The following HMCN2 variants were observed in gnomAD, a reference collection of about 807,000 sequenced individuals.
HMCN2 encodes the protein hemicentin-2.
HMCN2 carries 325 observed loss-of-function variants against 377.5 expected under a neutral mutation model. The observed-to-expected ratio is 0.86, with a 90% CI of 0.79 to 0.94. HMCN2 has a LOEUF of 0.94. Ranked by LOEUF, HMCN2 falls within the 40% of genes least tolerant of loss-of-function variation. The pLI is 0.00. For synonymous variants in HMCN2, 2,007 were observed against 2,046.8 expected, an observed-to-expected ratio of 0.98 and a Z score of 0.53; for missense variants, 4,543 against 4,725.3, an observed-to-expected ratio of 0.96 and a Z score of 1.13.
intron 40 of HMCN2, among the ~76,000 whole-genome samples, chr9:130,364,510 C>T (rs79669009): frequency 0.014 from 2,167 of 152,326 alleles, 51 homozygotes; most frequent in African/African-American, 0.048. Flanking sequence ...CAATTTCCCT[C>T]GGTGGAAACA....
chr9:130,391,677 C>T (rs7856210), intron 65 of HMCN2, 103 bp downstream of exon 65: 76,076 of 957,236 alleles, frequency 0.079, 3,554 homozygotes, highest in African/African-American at 0.19. Flanking sequence ...CCACGGGTCT[C>T]ACTTCCCTGG....
Position 130,357,945 on chromosome 9 carries a change from G to A in HMCN2, c.5537G>A (p.Trp1846Ter). 7.7e-7 allele frequency: 1 copy of A among 1,304,228 alleles called. No homozygotes were observed. Among genetic ancestry groups the A allele is most frequent in the South Asian group, 1.2e-5 (1 of 81,028 alleles). 80.8% of individuals were successfully genotyped at this position (1,304,228 alleles called of 1,614,324 possible). A position where few individuals can be genotyped will look rare whatever the true frequency, so the allele number is the denominator to read the frequency against. The change falls in exon 35 of 98, where the codon TGG (tryptophan) becomes TAG (stop). Residue 1846 changes from tryptophan (W) to a stop codon, truncating the protein, a stop_gained. Coordinates refer to ENST00000683500, the MANE Select transcript of HMCN2 (RefSeq NM_001291815.2). LOFTEE classifies it high-confidence loss of function. ...GTGCCCACCCCAAGCCTCCGTTGGT[G>A]GAAGGATGGTGTAGCCCTGGCAGCC... is the stretch of plus-strand genomic sequence containing the variant. ...DGVPTPSLRW[W>*]KDGVALAAFG...
At position 130,414,613 on chromosome 9, in the gene HMCN2, C is replaced by CTT. The variant is rs145783637; in HGVS notation, c.12961+3976_12961+3977dup. Among the ~76,000 whole-genome samples the CTT allele has an allele frequency of 2.1e-4, 30 of 140,784 alleles. No individual in the cohort carries two copies. Among genetic ancestry groups the CTT allele is most frequent in the Middle Eastern group, 3.5e-3 (1 of 282 alleles). The allele number at this position is 140,784 out of a possible 152,430, so 92.4% of individuals were successfully genotyped here. A position where few individuals can be genotyped will look rare whatever the true frequency, so the allele number is the denominator to read the frequency against. On this transcript the variant is annotated intron_variant, in intron 85 of 97. Coordinates refer to ENST00000683500, the MANE Select transcript of HMCN2 (RefSeq NM_001291815.2). This position sits in a 1 kb window ranked among gnomAD's most constrained non-coding sequence, Gnocchi z 4.4. ...CAGATATCAGGTAATCTGATAAGGA[C>CTT]TTTTTTTTTTTTTTTTAAGACAAGG...
intron 1 of HMCN2, among the ~76,000 whole-genome samples, chr9:130,278,470 G>A (rs1043008338): frequency 3.9e-5 from 6 of 152,090 alleles, no homozygotes; most frequent in Admixed American, 2.6e-4. Flanking sequence ...AAAGGGAACA[G>A]GCATTGGAAT....
chr9:130,279,433 A>G (rs1554924848), intron 1 of HMCN2, among the ~76,000 whole-genome samples: 1 of 151,728 alleles, frequency 6.6e-6, no homozygotes, highest in Non-Finnish European at 1.5e-5. Context: ...GCTTCCTGCA[A>G]CCTCTGCCTC....
chr9:130,305,318 C>T (rs1554936319), intron 11 of HMCN2, among the ~76,000 whole-genome samples: 2 of 152,188 alleles, frequency 1.3e-5, no homozygotes, highest in Non-Finnish European at 2.9e-5. Context: ...CCCACTGCAC[C>T]CTGCCCAATA....
rs928173497 is a variant in HMCN2, at chr9:130,355,174, G to A, written c.5146+130G>A. ...GAGAAGTAACCAGTGTCCCCACATTGCATGACACAGATGAGGACGCTGAGG... is the reference window on the plus strand; with the variant it reads ...GAGAAGTAACCAGTGTCCCCACATTACATGACACAGATGAGGACGCTGAGG... On this transcript the variant is annotated intron_variant, in intron 32 of 97. Coordinates refer to ENST00000683500, the MANE Select transcript of HMCN2 (RefSeq NM_001291815.2). 23 of 749,042 alleles carry A rather than the reference G, an allele frequency of 3.1e-5. No individual in the cohort carries two copies. In the Admixed American group the frequency reaches 8.2e-4, roughly 27 times the overall value. 46.4% of individuals were successfully genotyped at this position (749,042 alleles called of 1,614,324 possible). A position where few individuals can be genotyped will look rare whatever the true frequency, so the allele number is the denominator to read the frequency against.
Position 130,382,253 on chromosome 9 carries a change from A to G in HMCN2, c.8501A>G (p.Asn2834Ser). ...NAGRYSCKAS[N>S]EVGEDWLHYE... ...GGGAGGTACTCGTGCAAGGCCTCCA[A>G]CGAGGTGGGCGAGGACTGGCTGCAC... is the stretch of plus-strand genomic sequence containing the variant. The change falls in exon 55 of 98, where the codon AAC (asparagine) becomes AGC (serine). Residue 2834 changes from asparagine to serine, a missense_variant. Asn to Ser is a conservative substitution (Grantham distance 46, BLOSUM62 1). Transcript: ENST00000683500. 3 of 985,858 alleles carry G rather than the reference A, an allele frequency of 3.0e-6. No individual in the cohort carries two copies. The highest frequency in any genetic ancestry group is 4.7e-5 in the South Asian group (1 of 21,284). The allele number at this position is 985,858 out of a possible 1,614,324, so 61.1% of individuals were successfully genotyped here.
At chr9:130,277,794 C>T (rs573306751) in intron 1 of HMCN2, among the ~76,000 whole-genome samples, 1 of 106,862 alleles carries the variant, frequency 9.4e-6, no homozygotes, top group African/African-American at 3.7e-5. Context: ...CCACCACCAT[C>T]ATCATCACCA....
chr9:130,359,035 G>A (rs1178010564), intron 36 of HMCN2, among the ~76,000 whole-genome samples: 1 of 152,150 alleles, frequency 6.6e-6, no homozygotes, highest in Admixed American at 6.5e-5. Flanking sequence ...TTATTTGCAG[G>A]GAAATCCTCG....
chr9:130,325,805 C>T lies in HMCN2; in HGVS notation c.3034-6C>T, dbSNP rs973450945. 0.069 allele frequency: 10,552 copies of T among 152,346 alleles called. 360 individuals carry two copies. The highest frequency in any genetic ancestry group is 0.079 in the African/African-American group (3,273 of 41,536). The allele number at this position is 152,346 out of a possible 1,614,324, so 9.4% of individuals were successfully genotyped here. Reference sequence around the variant, plus strand: ...TTCGCCGATGTCACCTGTGCCTCTGCCCTAGGAAACCAATGCCCTGACCTC... The same window carrying T: ...TTCGCCGATGTCACCTGTGCCTCTGTCCTAGGAAACCAATGCCCTGACCTC... On this transcript the variant is annotated splice_polypyrimidine_tract_variant and splice_region_variant and intron_variant, in intron 20 of 97. Coordinates refer to ENST00000683500, the MANE Select transcript of HMCN2 (RefSeq NM_001291815.2).
intron 59 of HMCN2, among the ~76,000 whole-genome samples, chr9:130,385,330 C>A (rs1265614261): frequency 1.3e-5 from 2 of 152,094 alleles, no homozygotes; most frequent in Non-Finnish European, 2.9e-5. Flanking sequence ...GCATCTCCCC[C>A]ATCTAGGAGG....
At position 130,275,988 on chromosome 9, in the gene HMCN2, G is replaced by A. The variant is rs556912327; in HGVS notation, c.260-8615G>A. On this transcript the variant is annotated intron_variant, in intron 1 of 97. Transcript: ENST00000683500. ...CTGGGCCAAATAACACCTCATCAAA[G>A]GGCTTTCCAGGCGAGGAACTGTGCA... is the stretch of plus-strand genomic sequence containing the variant. Among the ~76,000 whole-genome samples, 560 of 152,244 alleles carry A rather than the reference G, an allele frequency of 3.7e-3. 1 individual carries two copies. Among genetic ancestry groups the A allele is most frequent in the Non-Finnish European group, 5.5e-3 (375 of 68,016 alleles).
rs1841797398 is a variant in HMCN2 at position 130,382,689 on chromosome 9, G to A, written c.8556G>A (p.Val2852=). The A allele has an allele frequency of 1.0e-6, 1 of 981,508 alleles. No homozygotes were observed. Among genetic ancestry groups the A allele is most frequent in the Admixed American group, 6.2e-5 (1 of 16,218 alleles). The allele number at this position is 981,508 out of a possible 1,614,324, so 60.8% of individuals were successfully genotyped here. ...HYELLVLTPP[V]ILGDTEELVE... ...CTCCCCCACCCCCAGCCCCACCTGT[G>A]ATCCTGGGTGACACAGAGGAGCTGG... The change falls in exon 56 of 98, where the codon GTG becomes GTA. Residue 2852 remains valine, a synonymous_variant. Coordinates refer to ENST00000683500, the MANE Select transcript of HMCN2 (RefSeq NM_001291815.2).
intron 81 of HMCN2, among the ~76,000 whole-genome samples, chr9:130,405,753 T>A (rs545611671): frequency 9.8e-5 from 15 of 152,288 alleles, no homozygotes; most frequent in African/African-American, 3.4e-4. Flanking sequence ...GCTGGGGTTA[T>A]GAAGCAGTAG....
At chr9:130,331,317 C>G (rs921090284) in intron 22 of HMCN2, among the ~76,000 whole-genome samples, 2 of 152,168 alleles carry the variant, frequency 1.3e-5, no homozygotes, top group Admixed American at 1.3e-4. Context: ...TCTCCTGGGT[C>G]GGTTCCTTGC....
chr9:130,403,387 G>C (rs1588404803), intron 79 of HMCN2, 59 bp downstream of exon 79: 1 of 1,279,682 alleles, frequency 7.8e-7, no homozygotes, highest in South Asian at 1.3e-5. Context: ...TCTGGGCAGG[G>C]GGGGAGTCCT....
chr9:130,286,576 G>A (rs6478958), intron 4 of HMCN2, among the ~76,000 whole-genome samples: 118,317 of 152,208 alleles, frequency 0.78, 46,312 homozygotes, highest in East Asian at 0.89. Context: ...AAATTGTGCA[G>A]GTAAAGAGGC....
rs961090458 is a variant in HMCN2 at position 130,391,287 on chromosome 9, G to A, written c.9751G>A (p.Asp3251Asn). Residue 3251 changes from aspartate to asparagine, a missense_variant, in exon 64 of 98, where the codon GAT (aspartate) becomes AAT (asparagine). Transcript: ENST00000683500. ...GQEVRLDCEADGQPPPDVAWL... is the reference protein window; with the variant it reads ...GQEVRLDCEANGQPPPDVAWL... Reference sequence around the variant, plus strand: ...GGAGGTGCGGCTGGACTGTGAGGCCGATGGGCAGCCGCCGCCGGACGTGGC... The same window carrying A: ...GGAGGTGCGGCTGGACTGTGAGGCCAATGGGCAGCCGCCGCCGGACGTGGC... 1.0e-5 allele frequency: 10 copies of A among 987,556 alleles called. No homozygotes were observed. Among genetic ancestry groups the A allele is most frequent in the Admixed American group, 6.1e-5 (1 of 16,272 alleles). 61.2% of individuals were successfully genotyped at this position (987,556 alleles called of 1,614,324 possible). A position where few individuals can be genotyped will look rare whatever the true frequency, so the allele number is the denominator to read the frequency against.
Sources: allele counts gnomAD v4.1 joint callset (sites outside exome capture counted in the v4.1 genomes callset), GRCh38; gene constraint gnomAD v4.1.1; non-coding constraint Gnocchi (gnomAD v3.1); transcripts MANE v1.5; gene names NCBI Gene and HGNC (gene_info 2026-07-23, HGNC 2026-07-21).